The following GALNT2 variants were observed in gnomAD, a reference collection of about 807,000 sequenced individuals.
GALNT2 encodes UDP-GalNAc:polypeptide N-acetylgalactosaminyltransferase 2.
In GALNT2, 31 loss-of-function variants were observed where a neutral mutation model predicts 81.4. That is an observed-to-expected ratio of 0.38 (90% CI 0.29 to 0.51). The LOEUF (loss-of-function observed/expected upper bound fraction) is 0.51. GALNT2 is among the 20% of genes least tolerant of loss of function. The pLI, the probability that GALNT2 is intolerant of heterozygous loss-of-function variation, is 0.87. For synonymous variants in GALNT2, 303 were observed against 287.4 expected, an observed-to-expected ratio of 1.05 and a Z score of -0.55; for missense variants, 629 against 765.7, an observed-to-expected ratio of 0.82 and a Z score of 2.11.
chr1:230,137,453 C>A (rs1042314185), intron 1 of GALNT2, among the ~76,000 whole-genome samples: 12 of 152,222 alleles, frequency 7.9e-5, no homozygotes, highest in Non-Finnish European at 1.5e-4. Flanking sequence ...CTCCCCTCCC[C>A]ACCTGGCTTT....
At position 230,122,688 on chromosome 1, in the gene GALNT2, C is replaced by T. The variant is rs2102803168; in HGVS notation, c.126+55282C>T. Among the ~76,000 whole-genome samples the T allele has an allele frequency of 3.9e-5, 6 of 152,070 alleles. No homozygotes were observed. The Middle Eastern group carries it at 0.017, about 431-fold the overall frequency. On this transcript the variant is annotated intron_variant, in intron 1 of 15. Coordinates refer to ENST00000366672, the MANE Select transcript of GALNT2 (RefSeq NM_004481.5). Reference sequence around the variant, plus strand: ...CGTGTGTGTGTGTTTTCCTTCAGAGCATTTTAAAGGTCTCAGCTATTATTA... The same window carrying T: ...CGTGTGTGTGTGTTTTCCTTCAGAGTATTTTAAAGGTCTCAGCTATTATTA...
chr1:230,067,485 C>T (rs1431648351), intron 1 of GALNT2, 79 bp downstream of exon 1: 12 of 469,164 alleles, frequency 2.6e-5, no homozygotes, highest in Non-Finnish European at 3.7e-5. Context: ...CCTCTCCGCG[C>T]CGCCCCTGCG....
chr1:230,174,361 C>T (rs1396058461), intron 1 of GALNT2, among the ~76,000 whole-genome samples: 2 of 152,202 alleles, frequency 1.3e-5, no homozygotes, highest in African/African-American at 4.8e-5. Flanking sequence ...TCCTGCTCAC[C>T]AGTAGCTTTA....
At chr1:230,247,404 G>A (rs925903818) in intron 8 of GALNT2, among the ~76,000 whole-genome samples, 1 of 152,186 alleles carries the variant, frequency 6.6e-6, no homozygotes, top group African/African-American at 2.4e-5. Flanking sequence ...TCTGGGAAAT[G>A]GGATGATAAT....
chr1:230,128,729 G>T (rs1222009405), intron 1 of GALNT2, among the ~76,000 whole-genome samples: 1 of 152,062 alleles, frequency 6.6e-6, no homozygotes, highest in Non-Finnish European at 1.5e-5. Flanking sequence ...CTGTCTTCAG[G>T]GCCTTCCTTG....
In GALNT2 at chr1:230,269,208, C is replaced by T. The variant is rs562332149; in HGVS notation, c.1440+3841C>T. Among the ~76,000 whole-genome samples, 49 of 112,974 alleles carry T rather than the reference C, an allele frequency of 4.3e-4. No individual in the cohort carries two copies. The South Asian group carries it at 0.014, about 32-fold the overall frequency. The allele number at this position is 112,974 out of a possible 152,430, so 74.1% of individuals were successfully genotyped here. On this transcript the variant is annotated intron_variant, in intron 14 of 15. Transcript: ENST00000366672. The stretch of plus-strand genomic sequence containing the variant: ...CCAGGCTTTTTTTTTTTTTTTGAGA[C>T]GGAGTTTGGCTGTGTTGCCCAGGCT...
chr1:230,151,735 C>A (rs184785493), intron 1 of GALNT2, among the ~76,000 whole-genome samples: 92 of 151,766 alleles, frequency 6.1e-4, no homozygotes, highest in Non-Finnish European at 1.2e-4. Context: ...TCTTGGATCT[C>A]GCTCAAGAAA....
intron 1 of GALNT2, among the ~76,000 whole-genome samples, chr1:230,109,371 CAT>C (rs796549822): frequency 2.6e-5 from 4 of 152,316 alleles, no homozygotes; most frequent in South Asian, 2.1e-4. Context: ...GTAGGCCACT[CAT>C]GTGGGACGTC....
intron 2 of GALNT2, among the ~76,000 whole-genome samples, chr1:230,198,984 G>C (rs1663798962): frequency 6.6e-6 from 1 of 151,978 alleles, no homozygotes. Context: ...GCTAGTTTCT[G>C]CCTCCTCATG....
chr1:230,094,434 A>T (rs1660184691), intron 1 of GALNT2, among the ~76,000 whole-genome samples: 1 of 152,088 alleles, frequency 6.6e-6, no homozygotes. Context: ...CAGGAGTTTG[A>T]GACCAGCCTG....
At chr1:230,142,707 T>A (rs1661783524) in intron 1 of GALNT2, among the ~76,000 whole-genome samples, 1 of 85,896 alleles carries the variant, frequency 1.2e-5, no homozygotes, top group South Asian at 4.1e-4. Flanking sequence ...GGTCGTTGCC[T>A]GCTCTGTTCA....
rs1209861530 is a variant in GALNT2 at position 230,274,534 on chromosome 1, G to A, written c.1530G>A (p.Leu510=). The A allele has an allele frequency of 5.6e-6, 9 of 1,613,912 alleles. No individual in the cohort carries two copies. In the African/African-American group the frequency reaches 8.0e-5, roughly 14 times the overall value. The change falls in exon 15 of 16, where the codon CTG becomes CTA. Residue 510 remains leucine, a synonymous_variant. Transcript: ENST00000366672. Reference sequence around the variant, plus strand: ...GGGCACCGGGCTCTCTTATAAAGCTGCAGGGCTGCCGAGAAAATGACAGCA... The same window carrying A: ...GGGCACCGGGCTCTCTTATAAAGCTACAGGGCTGCCGAGAAAATGACAGCA... The part of the protein sequence containing the change: ...VDRAPGSLIK[L]QGCRENDSRQ...
intron 3 of GALNT2, among the ~76,000 whole-genome samples, chr1:230,220,907 G>C (rs754708061): frequency 1.3e-5 from 2 of 152,152 alleles, no homozygotes; most frequent in Non-Finnish European, 2.9e-5. Flanking sequence ...GCAGTGGGCT[G>C]TTAGCAAGCT....
intron 2 of GALNT2, among the ~76,000 whole-genome samples, chr1:230,186,177 G>A (rs1663329479): frequency 2.0e-5 from 3 of 152,340 alleles, no homozygotes; most frequent in Non-Finnish European, 2.9e-5. Context: ...TTGCTGGTGA[G>A]AGTGTTTGCT....
chr1:230,171,986 G>A (rs1424372742), intron 1 of GALNT2, among the ~76,000 whole-genome samples: 5 of 151,970 alleles, frequency 3.3e-5, no homozygotes, highest in Non-Finnish European at 2.9e-5. Context: ...AAGCCTTATG[G>A]CATTGATAAA....
chr1:230,277,723 T>C (rs1343700774), intron 15 of GALNT2, among the ~76,000 whole-genome samples: 1 of 152,220 alleles, frequency 6.6e-6, no homozygotes, highest in East Asian at 1.9e-4. Context: ...TCCCCAGCAC[T>C]GGGCTCCTCT....
At chr1:230,221,588 C>T (rs1275842565) in intron 3 of GALNT2, among the ~76,000 whole-genome samples, 1 of 152,170 alleles carries the variant, frequency 6.6e-6, no homozygotes, top group Non-Finnish European at 1.5e-5. Flanking sequence ...ATTATGTTAA[C>T]TTTGTAAAAT....
chr1:230,274,417 G>A lies in GALNT2; in HGVS notation c.1441-28G>A, dbSNP rs201411017. ...CCTTTCACAGCCCGGTGCATAGCAC[G>A]CCTCTGACTTCTGGTTTTGTGTTCC... On this transcript the variant is annotated intron_variant, in intron 14 of 15. Transcript: ENST00000366672. 4.2e-4 allele frequency: 684 copies of A among 1,609,792 alleles called. 1 individual carries two copies. Among genetic ancestry groups the A allele is most frequent in the Non-Finnish European group, 5.3e-4 (623 of 1,178,128 alleles).
At chr1:230,131,412 A>T (rs1362908838) in intron 1 of GALNT2, among the ~76,000 whole-genome samples, 1 of 152,210 alleles carries the variant, frequency 6.6e-6, no homozygotes, top group Non-Finnish European at 1.5e-5. Context: ...TCCACCTTTG[A>T]CCTGTGGGCC....
Sources: allele counts gnomAD v4.1 joint callset (sites outside exome capture counted in the v4.1 genomes callset), GRCh38; gene constraint gnomAD v4.1.1; transcripts MANE v1.5; gene names NCBI Gene and HGNC (gene_info 2026-07-23, HGNC 2026-07-21).